Variants in RUBCNL observed in about 807,000 individuals in gnomAD.
RUBCNL encodes the protein protein associated with UVRAG as autophagy enhancer.
In RUBCNL, 62 loss-of-function variants were observed where a neutral mutation model predicts 69.5. The observed-to-expected ratio is 0.89, with a 90% CI of 0.73 to 1.10. RUBCNL has a LOEUF of 1.10. Ranked by LOEUF, RUBCNL falls within the 50% of genes least tolerant of loss-of-function variation. The pLI, the probability that RUBCNL is intolerant of heterozygous loss-of-function variation, is 0.00. For missense variants in RUBCNL, 768 were observed against 798.1 expected, an observed-to-expected ratio of 0.96 and a Z score of 0.45; for synonymous variants, 291 against 303.6, an observed-to-expected ratio of 0.96 and a Z score of 0.43.
In RUBCNL at chr13:46,345,536, C is replaced by G; in HGVS notation, c.1696G>C (p.Glu566Gln). The G allele has an allele frequency of 6.2e-7, 1 of 1,613,148 alleles. No homozygotes were observed. The highest frequency in any genetic ancestry group is 8.5e-7 in the Non-Finnish European group (1 of 1,179,572). ...CCTTTCTTGATCCTGACCAGGTCCTCAAGGGAGAACAGGTGGAGCTCATCA... is the reference window on the plus strand; with the variant it reads ...CCTTTCTTGATCCTGACCAGGTCCTGAAGGGAGAACAGGTGGAGCTCATCA... ...LTDELHLFSL[E>Q]DLVRIKKGLL... Residue 566 changes from glutamate (E) to glutamine (Q), a missense_variant, in exon 13 of 15, where the codon GAG becomes CAG. By Grantham distance (29) the Glu-to-Gln change is conservative. Transcript: ENST00000429979.
Position 46,367,267 on chromosome 13 carries a change from C to T in RUBCNL, c.826+775G>A, listed in dbSNP as rs186227556. On this transcript the variant is annotated intron_variant, in intron 5 of 14. Coordinates refer to ENST00000429979, the MANE Select transcript of RUBCNL (RefSeq NM_025113.5). Reference sequence around the variant, plus strand: ...GGCTTCCCGGTCCCATGCTCCAGCACGCAGACTCCTTGAGGGAAGGAGCAC... The same window carrying T: ...GGCTTCCCGGTCCCATGCTCCAGCATGCAGACTCCTTGAGGGAAGGAGCAC... Among the ~76,000 whole-genome samples the T allele has an allele frequency of 3.4e-4, 51 of 152,220 alleles. No homozygotes were observed. In the East Asian group the frequency reaches 7.9e-3, roughly 24 times the overall value.
intron 8 of RUBCNL, among the ~76,000 whole-genome samples, chr13:46,360,370 C>A (rs1297339595): frequency 6.6e-6 from 1 of 152,034 alleles, no homozygotes; most frequent in African/African-American, 2.4e-5. Context: ...AAATAAAATC[C>A]AAACTTCTCA....
upstream of RUBCNL, among the ~76,000 whole-genome samples, chr13:46,388,568 T>G (rs183379020): frequency 2.3e-3 from 340 of 150,508 alleles, 4 homozygotes; most frequent in South Asian, 0.012. Context: ...GAGGGAGGGA[T>G]GGAGGAAGGA....
rs767650942 is a variant in RUBCNL at position 46,377,881 on chromosome 13, G to A, written c.-123+9C>T. On this transcript the variant is annotated intron_variant, in intron 2 of 14. Transcript: ENST00000429979. ...AGAGAGAAGACAAAAGGCCAGGTCGGACACTCACCAGGAGTATGAATTTCT... is the reference window on the plus strand; with the variant it reads ...AGAGAGAAGACAAAAGGCCAGGTCGAACACTCACCAGGAGTATGAATTTCT... 5.2e-6 allele frequency: 8 copies of A among 1,552,834 alleles called. No homozygotes were observed. Among genetic ancestry groups the A allele is most frequent in the East Asian group, 4.5e-5 (2 of 44,484 alleles).
rs568615990 is a variant in RUBCNL, at chr13:46,338,941, G to A, written c.*4444C>T. Among the ~76,000 whole-genome samples, 1 of 152,022 alleles carries A rather than the reference G, an allele frequency of 6.6e-6. No individual in the cohort carries two copies. The highest frequency in any genetic ancestry group is 2.1e-4 in the South Asian group (1 of 4,814). On this transcript the variant is annotated 3_prime_UTR_variant, in exon 15 of 15. Coordinates refer to ENST00000429979, the MANE Select transcript of RUBCNL (RefSeq NM_025113.5). ...ACATGCCTGTGGTCCCAGCTACTAG[G>A]GAAGCTGAGGCAGGAAAATCGCTTG...
rs747184855 is a variant in RUBCNL at position 46,340,439 on chromosome 13, T to C, written c.*2946A>G. 2.2e-4 allele frequency among the ~76,000 whole-genome samples: 33 copies of C among 152,178 alleles called. 1 individual carries two copies. The highest frequency in any genetic ancestry group is 1.5e-4 in the Non-Finnish European group (10 of 68,018). On this transcript the variant is annotated 3_prime_UTR_variant, in exon 15 of 15. Coordinates refer to ENST00000429979, the MANE Select transcript of RUBCNL (RefSeq NM_025113.5). ...TTTGCCCTTGCTTGTACCAGGCCTT[T>C]TAGTGGGTGCTTCATTTTCATTTCT... is the stretch of plus-strand genomic sequence containing the variant.
At chr13:46,376,173 G>A (rs2048989725) in intron 2 of RUBCNL, among the ~76,000 whole-genome samples, 1 of 152,132 alleles carries the variant, frequency 6.6e-6, no homozygotes, top group Admixed American at 6.6e-5. Context: ...GTAGTGTTAA[G>A]TTTTGGGGGA....
At position 46,337,012 on chromosome 13, in the gene RUBCNL, T is replaced by C. The variant is rs2048108977; in HGVS notation, c.*6373A>G. ...ATGTGTTGAAGACCTAACCCCCAAT[T>C]GTGACAGTATTAGGAGGTGGAGCCT... On this transcript the variant is annotated 3_prime_UTR_variant, in exon 15 of 15. Coordinates refer to ENST00000429979, the MANE Select transcript of RUBCNL (RefSeq NM_025113.5). Among the ~76,000 whole-genome samples the C allele has an allele frequency of 6.6e-6, 1 of 152,088 alleles. No individual in the cohort carries two copies. Among genetic ancestry groups the C allele is most frequent in the African/African-American group, 2.4e-5 (1 of 41,412 alleles).
chr13:46,354,713 C>T, intron 10 of RUBCNL: 1 of 449,084 alleles, frequency 2.2e-6, no homozygotes, highest in African/African-American at 2.0e-5. Flanking sequence ...AATCCCACGG[C>T]ACTCTTGACT....
At chr13:46,368,277 C>T (rs762102291) in intron 4 of RUBCNL, 28 bp from the exon 5 acceptor site, 2 of 1,586,130 alleles carry the variant, frequency 1.3e-6, no homozygotes. Context: ...AATTAAAATA[C>T]AAGCATAATC....
At chr13:46,377,593 G>A (rs1490967720) in intron 2 of RUBCNL, among the ~76,000 whole-genome samples, 2 of 152,162 alleles carry the variant, frequency 1.3e-5, no homozygotes, top group Non-Finnish European at 2.9e-5. Flanking sequence ...ACAAGTTATA[G>A]TTAATAGTTC....
chr13:46,348,837 C>T (rs772103360), intron 12 of RUBCNL, among the ~76,000 whole-genome samples: 2 of 152,102 alleles, frequency 1.3e-5, no homozygotes, highest in South Asian at 2.1e-4. Context: ...CTCTTGACCT[C>T]GTGATCCACC....
intron 2 of RUBCNL, among the ~76,000 whole-genome samples, chr13:46,374,198 C>T (rs1421371179): frequency 6.6e-6 from 1 of 152,194 alleles, no homozygotes; most frequent in East Asian, 1.9e-4. Flanking sequence ...TCTGCCTCAG[C>T]CTCCCAAGTA....
intron 12 of RUBCNL, among the ~76,000 whole-genome samples, chr13:46,346,043 C>A (rs190336289): frequency 3.5e-4 from 54 of 152,202 alleles, no homozygotes; most frequent in African/African-American, 1.3e-3. Flanking sequence ...CTCACTCACT[C>A]GGCAAGCCTA....
upstream of RUBCNL, among the ~76,000 whole-genome samples, chr13:46,388,504 A>G (rs972087484): frequency 1.3e-5 from 2 of 150,168 alleles, no homozygotes; most frequent in African/African-American, 4.9e-5. Flanking sequence ...GAAGGAAGGA[A>G]AGAAAAGTAG....
rs2048164380 is a variant in RUBCNL at position 46,342,759 on chromosome 13, G to C, written c.*626C>G. 6.6e-6 allele frequency: 1 copy of C among 152,292 alleles called. No homozygotes were observed. The highest frequency in any genetic ancestry group is 2.1e-4 in the South Asian group (1 of 4,834). The allele number at this position is 152,292 out of a possible 1,614,324, so 9.4% of individuals were successfully genotyped here. A position where few individuals can be genotyped will look rare whatever the true frequency, so the allele number is the denominator to read the frequency against. ...GTGCCACCTGAAAGAGTGCCATCTA[G>C]AAGCAGTTGCTTCAAACTGCACTTC... On this transcript the variant is annotated 3_prime_UTR_variant, in exon 15 of 15. Transcript: ENST00000429979.
intron 1 of RUBCNL, among the ~76,000 whole-genome samples, chr13:46,383,810 C>T (rs2049174028): frequency 6.6e-6 from 1 of 152,162 alleles, no homozygotes; most frequent in South Asian, 2.1e-4. Flanking sequence ...ATAGACGACA[C>T]ATGGAGTGAA....
intron 10 of RUBCNL, among the ~76,000 whole-genome samples, chr13:46,352,851 GACC>G (rs2048400140): frequency 6.6e-6 from 1 of 152,128 alleles, no homozygotes; most frequent in Non-Finnish European, 1.5e-5. Context: ...GGCTGGGAGC[GACC>G]ACAGAAATGA....
chr13:46,344,265 A>G (rs1322626545), intron 14 of RUBCNL, among the ~76,000 whole-genome samples: 1 of 152,230 alleles, frequency 6.6e-6, no homozygotes, highest in Admixed American at 6.5e-5. Flanking sequence ...CAGAGTTTAC[A>G]GAACACGGGA....
Sources: allele counts gnomAD v4.1 joint callset (sites outside exome capture counted in the v4.1 genomes callset), GRCh38; gene constraint gnomAD v4.1.1; transcripts MANE v1.5; gene names NCBI Gene and HGNC (gene_info 2026-07-23, HGNC 2026-07-21).